Variants in CEP83 observed in about 807,000 individuals in gnomAD.
The protein encoded by CEP83 is centrosomal protein of 83 kDa.
CEP83 carries 70 observed loss-of-function variants against 101.9 expected under a neutral mutation model. The observed-to-expected ratio is 0.69, with a 90% CI of 0.57 to 0.84. The LOEUF (loss-of-function observed/expected upper bound fraction) is 0.84, where lower values mean the gene tolerates loss of function less well. Among genes scored for constraint, CEP83 ranks in the 40% least tolerant of loss-of-function variants. The probability of loss-of-function intolerance (pLI) is 0.00; values close to 1 mark genes in which losing one functional copy is unlikely to be tolerated. For missense variants in CEP83, 715 were observed against 787.2 expected (o/e 0.91, Z 1.10); for synonymous variants, 264 against 267.9 (o/e 0.99, Z 0.14).
At chr12:94,303,496 C>A (rs1968670175), downstream of CEP83, among the ~76,000 whole-genome samples, 1 of 152,002 alleles carries the variant, frequency 6.6e-6, no homozygotes, top group Non-Finnish European at 1.5e-5. Flanking sequence ...AATTTTAGTT[C>A]TTTTATGAGA....
At chr12:94,291,266 T>C in the CEP83 span, among the ~76,000 whole-genome samples, 1 of 152,242 alleles carries the variant, frequency 6.6e-6, no homozygotes, top group Non-Finnish European at 1.5e-5. Context: ...GACAGGGTCT[T>C]GCTCTGTTGC....
chr12:94,345,956 A>T (rs2059915876), intron 11 of CEP83, among the ~76,000 whole-genome samples: 1 of 152,156 alleles, frequency 6.6e-6, no homozygotes, highest in Non-Finnish European at 1.5e-5. Context: ...GGTAAACAAG[A>T]ACTCACCCAT....
chr12:94,452,204 C>A (rs773499408), intron 1 of CEP83, among the ~76,000 whole-genome samples: 5 of 152,006 alleles, frequency 3.3e-5, no homozygotes, highest in Non-Finnish European at 7.4e-5. Context: ...ACCTTAAATG[C>A]AAATAAGCTT....
chr12:94,432,686 TAC>T (rs2065729417), intron 2 of CEP83, among the ~76,000 whole-genome samples: 1 of 152,096 alleles, frequency 6.6e-6, no homozygotes, highest in South Asian at 2.1e-4. Context: ...CAGAGCAGAG[TAC>T]AGTTAATAAT....
At chr12:94,314,373 A>G (rs190570136) in intron 14 of CEP83, among the ~76,000 whole-genome samples, 92 of 152,316 alleles carry the variant, frequency 6.0e-4, no homozygotes, top group African/African-American at 2.2e-3. Context: ...TCCAATCACT[A>G]GCCCTGTCAT....
chr12:94,353,732 GAA>G lies in CEP83; in HGVS notation c.1343+14060_1343+14061del, dbSNP rs35963595. Among the ~76,000 whole-genome samples the G allele has an allele frequency of 2.3e-3, 311 of 134,274 alleles. 2 individuals are homozygous for G. The East Asian group carries it at 0.031, about 13-fold the overall frequency. 88.1% of individuals were successfully genotyped at this position (134,274 alleles called of 152,430 possible). ...TACATAGTCTGAAAACGAAGTGGGG[GAA>G]AAAAAAAAAAACACTCCATGCAAAG... is the stretch of plus-strand genomic sequence containing the variant. On this transcript the variant is annotated intron_variant, in intron 11 of 16. Coordinates refer to ENST00000397809, the MANE Select transcript of CEP83 (RefSeq NM_016122.3).
chr12:94,400,359 T>C (rs1003345220), intron 6 of CEP83, among the ~76,000 whole-genome samples: 2 of 152,158 alleles, frequency 1.3e-5, no homozygotes, highest in African/African-American at 4.8e-5. Context: ...AAAGAGAACA[T>C]TCCAGTTGCA....
the CEP83 span, among the ~76,000 whole-genome samples, chr12:94,293,278 C>T: frequency 6.6e-6 from 1 of 152,140 alleles, no homozygotes; most frequent in Admixed American, 6.5e-5. Context: ...ACAAATCGCT[C>T]CCTATCAGGA....
intron 6 of CEP83, among the ~76,000 whole-genome samples, chr12:94,385,662 A>T (rs1458396167): frequency 6.6e-6 from 1 of 152,182 alleles, no homozygotes; most frequent in Non-Finnish European, 1.5e-5. Flanking sequence ...TGGGCTGCCC[A>T]GTCATTTCTG....
chr12:94,268,785 G>C, the CEP83 span, among the ~76,000 whole-genome samples: 2 of 151,888 alleles, frequency 1.3e-5, no homozygotes, highest in Non-Finnish European at 2.9e-5. Flanking sequence ...AGTAGAAACG[G>C]GTTTTCGCCG....
chr12:94,424,071 G>C, intron 2 of CEP83: 1 of 1,611,004 alleles, frequency 6.2e-7, no homozygotes, highest in Non-Finnish European at 8.5e-7. Context: ...TTAGGTACTT[G>C]TAGAGGAGAT....
intron 6 of CEP83, among the ~76,000 whole-genome samples, chr12:94,395,522 C>T (rs2062831127): frequency 6.6e-6 from 1 of 152,054 alleles, no homozygotes; most frequent in Non-Finnish European, 1.5e-5. Flanking sequence ...TACTTACATA[C>T]TTAAAGTTCA....
intron 6 of CEP83, among the ~76,000 whole-genome samples, chr12:94,384,221 TTA>T (rs1356974216): frequency 2.0e-5 from 3 of 152,332 alleles, no homozygotes; most frequent in African/African-American, 7.2e-5. Flanking sequence ...GGATATAGAA[TTA>T]TGAGTTGACA....
chr12:94,274,592 G>C, the CEP83 span, among the ~76,000 whole-genome samples: 1 of 152,228 alleles, frequency 6.6e-6, no homozygotes, highest in East Asian at 1.9e-4. Context: ...CCTCTAAACA[G>C]AGGGCAGATT....
chr12:94,455,791 T>A (rs983811282), intron 1 of CEP83, among the ~76,000 whole-genome samples: 6 of 152,140 alleles, frequency 3.9e-5, no homozygotes, highest in Non-Finnish European at 7.3e-5. Flanking sequence ...ACACCTACAA[T>A]CCCAGCACTT....
intron 14 of CEP83, among the ~76,000 whole-genome samples, chr12:94,330,079 T>C (rs2059138483): frequency 6.6e-6 from 1 of 152,174 alleles, no homozygotes; most frequent in Non-Finnish European, 1.5e-5. Flanking sequence ...AACTGAACGA[T>C]CTACAGTTAT....
intron 6 of CEP83, among the ~76,000 whole-genome samples, chr12:94,382,841 G>A (rs1212860010): frequency 6.6e-6 from 1 of 151,984 alleles, no homozygotes; most frequent in East Asian, 1.9e-4. Context: ...ATGTCTGGGT[G>A]TTCTCCTTGG....
chr12:94,333,440 G>GA, intron 13 of CEP83, 42 bp downstream of exon 13: 1 of 1,566,062 alleles, frequency 6.4e-7, no homozygotes, highest in Non-Finnish European at 8.6e-7. Flanking sequence ...ATGTTATATA[G>GA]AAAAAAGAAA....
intron 1 of CEP83, among the ~76,000 whole-genome samples, chr12:94,448,558 T>C (rs1235537526): frequency 1.3e-5 from 2 of 152,122 alleles, no homozygotes; most frequent in Non-Finnish European, 2.9e-5. Context: ...CAATAAAATT[T>C]AAAAGATTGA....
Sources: gnomAD v4.1 joint callset for allele counts (sites outside exome capture counted in the v4.1 genomes callset) on GRCh38, gnomAD v4.1.1 for gene constraint, MANE v1.5 for transcripts, NCBI Gene and HGNC (gene_info 2026-07-23, HGNC 2026-07-21) for gene names.